Variants in TFDP2 observed in about 807,000 individuals in gnomAD.
TFDP2 encodes transcription factor Dp-2.
A neutral mutation model predicts 59.3 loss-of-function variants in TFDP2; 17 were observed. That is an observed-to-expected ratio of 0.29 (90% CI 0.20 to 0.43). The LOEUF is 0.43. Among genes scored for constraint, TFDP2 ranks in the 20% least tolerant of loss-of-function variants. The pLI is 1.00. For missense variants in TFDP2, 391 were observed against 528.8 expected (o/e 0.74, Z 2.56); for synonymous variants, 180 against 194.7 (o/e 0.92, Z 0.63).
At chr3:142,062,851 A>G (rs1187411365) in intron 3 of TFDP2, among the ~76,000 whole-genome samples, 6 of 152,206 alleles carry the variant, frequency 3.9e-5, no homozygotes, top group Admixed American at 3.9e-4. Flanking sequence ...ATCTCACAAC[A>G]TCTTCTTAAG....
At chr3:142,018,929 G>GTTGTTT (rs1553778062) in intron 3 of TFDP2, among the ~76,000 whole-genome samples, 1 of 125,226 alleles carries the variant, frequency 8.0e-6, no homozygotes, top group Non-Finnish European at 1.6e-5. Context: ...TTTTTGGTGA[G>GTTGTTT]TTTTTTTTTT....
At chr3:142,064,016 C>G (rs2059998837) in intron 3 of TFDP2, among the ~76,000 whole-genome samples, 1 of 152,034 alleles carries the variant, frequency 6.6e-6, no homozygotes, top group South Asian at 2.1e-4. Context: ...TGCAGTGGTG[C>G]AATCTTGGGT....
At chr3:141,966,068 C>A (rs142844605) in intron 9 of TFDP2, among the ~76,000 whole-genome samples, 6 of 151,818 alleles carry the variant, frequency 4.0e-5, no homozygotes, top group South Asian at 2.1e-4. Context: ...TAACTAATGG[C>A]CCTTATGTAT....
At chr3:141,983,788 A>G (rs757317795) in intron 6 of TFDP2, among the ~76,000 whole-genome samples, 10 of 152,200 alleles carry the variant, frequency 6.6e-5, no homozygotes, top group Non-Finnish European at 1.5e-4. Flanking sequence ...ATGGCTATTA[A>G]AAAAACAAAA....
intron 1 of TFDP2, among the ~76,000 whole-genome samples, chr3:142,112,216 C>T (rs564148623): frequency 2.0e-5 from 3 of 152,140 alleles, no homozygotes; most frequent in East Asian, 3.8e-4. Flanking sequence ...GTAATATTAG[C>T]CATATCTTGT....
intron 11 of TFDP2, among the ~76,000 whole-genome samples, chr3:141,956,081 C>T (rs13081914): frequency 0.85 from 129,199 of 152,234 alleles, 54,858 homozygotes; most frequent in Middle Eastern, 0.87. Context: ...GTGCTGGGAT[C>T]ACAGGCGTAA....
In TFDP2 at chr3:141,949,136, T is replaced by C. The variant is rs185211940; in HGVS notation, c.*3377A>G. On this transcript the variant is annotated 3_prime_UTR_variant, in exon 13 of 13. Transcript: ENST00000489671. ...GAATTCTGATAGGAGCTACCTTGTT[T>C]TCAAGGACTGACTCTGGCATTATTT... 6.6e-6 allele frequency: 1 copy of C among 152,038 alleles called. No individual in the cohort carries two copies. Among genetic ancestry groups the C allele is most frequent in the Non-Finnish European group, 1.5e-5 (1 of 67,984 alleles). The allele number at this position is 152,038 out of a possible 1,614,324, so 9.4% of individuals were successfully genotyped here.
chr3:142,107,704 CA>C (rs1479703441), intron 1 of TFDP2, among the ~76,000 whole-genome samples: 1 of 152,112 alleles, frequency 6.6e-6, no homozygotes, highest in African/African-American at 2.4e-5. Flanking sequence ...TTAGAGAGTT[CA>C]AGCAATTTTC....
chr3:141,955,401 T>C (rs1258520558), intron 11 of TFDP2, among the ~76,000 whole-genome samples: 2 of 152,192 alleles, frequency 1.3e-5, no homozygotes, highest in Non-Finnish European at 2.9e-5. Context: ...TAAGCTAAAA[T>C]AAAGTTCTGG....
chr3:142,056,726 T>A (rs2059761203), intron 3 of TFDP2, among the ~76,000 whole-genome samples: 1 of 152,126 alleles, frequency 6.6e-6, no homozygotes, highest in South Asian at 2.1e-4. Context: ...GAGACAACCA[T>A]GTGACAAGGA....
intron 3 of TFDP2, among the ~76,000 whole-genome samples, chr3:142,045,207 G>A (rs1234093639): frequency 1.4e-5 from 2 of 147,884 alleles, no homozygotes; most frequent in Non-Finnish European, 3.0e-5. Flanking sequence ...AGGCTGGAGT[G>A]CAGTGGCACG....
At chr3:142,007,116 T>G (rs1350171733) in intron 3 of TFDP2, among the ~76,000 whole-genome samples, 1 of 152,210 alleles carries the variant, frequency 6.6e-6, no homozygotes, top group Non-Finnish European at 1.5e-5. Context: ...TTCTGCCTCT[T>G]CAGGGATCTC....
chr3:142,003,127 C>T (rs150857773), intron 4 of TFDP2, among the ~76,000 whole-genome samples: 2,818 of 152,070 alleles, frequency 0.019, 36 homozygotes, highest in East Asian at 0.041. Flanking sequence ...CTCAGCCTCC[C>T]GAGTATCTGG....
chr3:141,951,143 C>A lies in TFDP2; in HGVS notation c.*1370G>T, dbSNP rs1364965873. 1 of 152,146 alleles carries A rather than the reference C, an allele frequency of 6.6e-6. No homozygotes were observed. The highest frequency in any genetic ancestry group is 1.5e-5 in the Non-Finnish European group (1 of 68,040). The allele number at this position is 152,146 out of a possible 1,614,324, so 9.4% of individuals were successfully genotyped here. ...ATCTAGCATAATCTTGGGACAAATCCACATGATTCAGGTCAAAGTTTTGGA... is the reference window on the plus strand; with the variant it reads ...ATCTAGCATAATCTTGGGACAAATCAACATGATTCAGGTCAAAGTTTTGGA... On this transcript the variant is annotated 3_prime_UTR_variant, in exon 13 of 13. Transcript: ENST00000489671.
intron 1 of TFDP2, among the ~76,000 whole-genome samples, chr3:142,107,626 A>G (rs2061517964): frequency 6.6e-6 from 1 of 152,166 alleles, no homozygotes; most frequent in East Asian, 1.9e-4. Flanking sequence ...CATGTATATC[A>G]TATCATTCGC....
intron 2 of TFDP2, 98 bp downstream of exon 2, chr3:142,101,637 A>C (rs373292013): frequency 1.2e-5 from 9 of 755,630 alleles, no homozygotes; most frequent in Middle Eastern, 2.6e-4. Context: ...CCATGCAAGT[A>C]AATTAAATCT....
chr3:142,109,564 G>C (rs900042158), intron 1 of TFDP2, among the ~76,000 whole-genome samples: 2 of 152,118 alleles, frequency 1.3e-5, no homozygotes, highest in Non-Finnish European at 2.9e-5. Context: ...GCAAACTCAG[G>C]TGATCCGCCC....
intron 1 of TFDP2, among the ~76,000 whole-genome samples, chr3:142,140,398 G>A (rs1463231720): frequency 1.3e-5 from 2 of 152,172 alleles, no homozygotes; most frequent in Non-Finnish European, 2.9e-5. Context: ...CCAGCTTTAT[G>A]CCGTTGCTGA....
At chr3:141,979,739 C>T (rs1332836243) in intron 6 of TFDP2, among the ~76,000 whole-genome samples, 1 of 152,066 alleles carries the variant, frequency 6.6e-6, no homozygotes, top group Non-Finnish European at 1.5e-5. Context: ...CAGGTGTGCA[C>T]CACCACACCT....
Sources: allele counts gnomAD v4.1 joint callset (sites outside exome capture counted in the v4.1 genomes callset), GRCh38; gene constraint gnomAD v4.1.1; transcripts MANE v1.5; gene names NCBI Gene and HGNC (gene_info 2026-07-23, HGNC 2026-07-21).